VCP: variants seen among roughly 807,000 people sequenced by gnomAD.
The protein encoded by VCP is valosin containing protein, also known as transitional endoplasmic reticulum ATPase.
A neutral mutation model predicts 85.7 loss-of-function variants in VCP; 6 were observed. The ratio of observed to expected loss-of-function variants is 0.07; its 90% confidence interval spans 0.04 to 0.14. The LOEUF (loss-of-function observed/expected upper bound fraction) is 0.14, where lower values mean the gene tolerates loss of function less well. Among genes scored for constraint, VCP ranks in the 10% least tolerant of loss-of-function variants. The pLI, the probability that VCP is intolerant of heterozygous loss-of-function variation, is 1.00. For missense variants in VCP, 353 were observed against 1,043.4 expected (o/e 0.34, Z 9.12); for synonymous variants, 384 against 367.1 (o/e 1.05, Z -0.53).
chr9:35,063,231 C>T (rs1232802805), intron 6 of VCP, 151 bp from the exon 7 acceptor site: 1 of 722,566 alleles, frequency 1.4e-6, no homozygotes, highest in Non-Finnish European at 2.4e-6. Flanking sequence ...AAGACAATTA[C>T]TTTAGGCCAC....
At chr9:35,063,779 T>G (rs1240785126) in intron 6 of VCP, among the ~76,000 whole-genome samples, 1 of 152,254 alleles carries the variant, frequency 6.6e-6, no homozygotes. Context: ...GAAAATTTCC[T>G]TAACTTCCTT....
At position 35,059,276 on chromosome 9, in the gene VCP, A is replaced by T; in HGVS notation, c.2005-57T>A. On this transcript the variant is annotated intron_variant, in intron 14 of 16. Coordinates refer to ENST00000358901, the MANE Select transcript of VCP (RefSeq NM_007126.5). The surrounding 1 kb of genome is among the most constrained non-coding windows in gnomAD (Gnocchi z 4.9). ...TAGCCTCTCCTCTCGAGATACGCAG[A>T]TCTTTGGGCTACCCGAGCACTCCCA... is the stretch of plus-strand genomic sequence containing the variant. The T allele has an allele frequency of 6.2e-7, 1 of 1,609,576 alleles. No individual in the cohort carries two copies. Among genetic ancestry groups the T allele is most frequent in the Non-Finnish European group, 8.5e-7 (1 of 1,177,952 alleles).
At chr9:35,057,833 G>A in intron 15 of VCP, 2 of 457,322 alleles carry the variant, frequency 4.4e-6, no homozygotes, top group Non-Finnish European at 8.1e-6. Flanking sequence ...TCTCAACTGT[G>A]GTAGTAGTTA....
chr9:35,060,468 C>T lies in VCP; in HGVS notation c.1540G>A (p.Val514Ile). The T allele has an allele frequency of 6.2e-7, 1 of 1,614,238 alleles. No homozygotes were observed. The highest frequency in any genetic ancestry group is 8.5e-7 in the Non-Finnish European group (1 of 1,180,048). ...CAGCCAGGAGGTCCATAGAACAGAA[C>T]TCCCTTGGAAGGTGTCATGCCAAAC... ...LKFGMTPSKG[V>I]LFYGPPGCGK... The change falls in exon 13 of 17, where the codon GTT becomes ATT. Residue 514 changes from valine (V) to isoleucine (I), a missense_variant. Coordinates refer to ENST00000358901, the MANE Select transcript of VCP (RefSeq NM_007126.5).
intron 1 of VCP, among the ~76,000 whole-genome samples, chr9:35,068,711 T>C (rs1405850891): frequency 6.6e-6 from 1 of 151,630 alleles, no homozygotes; most frequent in Non-Finnish European, 1.5e-5. Context: ...TACAGAAGAG[T>C]GGTTAAGAGC....
In VCP at chr9:35,072,590, G is replaced by T; in HGVS notation, c.-237C>A. On this transcript the variant is annotated 5_prime_UTR_variant, in exon 1 of 17. Transcript: ENST00000358901. ...CAGTGGCAGCGGCAGCGGCAGCGAC[G>T]ACTCAAACGACGGTCGCAGACGCTT... 1 of 486,088 alleles carries T rather than the reference G, an allele frequency of 2.1e-6. No homozygotes were observed. The highest frequency in any genetic ancestry group is 3.6e-5 in the East Asian group (1 of 27,572). 30.1% of individuals were successfully genotyped at this position (486,088 alleles called of 1,614,324 possible).
intron 5 of VCP, among the ~76,000 whole-genome samples, chr9:35,064,766 G>T (rs1405495876): frequency 1.3e-5 from 2 of 152,192 alleles, no homozygotes; most frequent in Admixed American, 6.5e-5. Context: ...CTAGTTTTTT[G>T]AAATTCCTGG....
chr9:35,066,235 A>AGCCTGGGCATCATAGT (rs1284470129), intron 4 of VCP, among the ~76,000 whole-genome samples: 31 of 150,724 alleles, frequency 2.1e-4, no homozygotes, highest in African/African-American at 7.6e-4. Flanking sequence ...GTTTGAGACC[A>AGCCTGGGCATCATAGT]GCCTGGGCAT....
In VCP at chr9:35,068,414, A is replaced by G. The variant is rs1483974340; in HGVS notation, c.18-52T>C. ...ATACTCCTGCCCCAAGCGCCTCGCC[A>G]GTCTCTAAAACTCATACTTAGGAAA... is the stretch of plus-strand genomic sequence containing the variant. On this transcript the variant is annotated intron_variant, in intron 1 of 16. Transcript: ENST00000358901. 3 of 1,481,424 alleles carry G rather than the reference A, an allele frequency of 2.0e-6. No individual in the cohort carries two copies. The African/African-American group carries it at 4.2e-5, about 21-fold the overall frequency. 91.8% of individuals were successfully genotyped at this position (1,481,424 alleles called of 1,614,324 possible).
chr9:35,066,928 G>A lies in VCP; in HGVS notation c.303-111C>T, dbSNP rs1488029212. On this transcript the variant is annotated intron_variant, in intron 3 of 16. Transcript: ENST00000358901. Reference sequence around the variant, plus strand: ...GATAGTAAGTGAAAAAGAAAAGGCAGGATGGCTTTAGGCGAAGAGAGGAAG... The same window carrying A: ...GATAGTAAGTGAAAAAGAAAAGGCAAGATGGCTTTAGGCGAAGAGAGGAAG... 3.2e-6 allele frequency: 5 copies of A among 1,551,256 alleles called. No individual in the cohort carries two copies. The East Asian group carries it at 6.7e-5, about 21-fold the overall frequency.
At chr9:35,065,218 A>G (rs1204817850) in intron 5 of VCP, 33 bp downstream of exon 5, 1 of 1,613,924 alleles carries the variant, frequency 6.2e-7, no homozygotes. Flanking sequence ...AGTAATCATA[A>G]AATCGGATAC....
intron 1 of VCP, among the ~76,000 whole-genome samples, chr9:35,070,175 T>C (rs1388936973): frequency 6.6e-6 from 1 of 152,170 alleles, no homozygotes; most frequent in African/African-American, 2.4e-5. Context: ...TAACGACAGT[T>C]TCCTCTGCTC....
chr9:35,057,863 T>C, intron 15 of VCP: 2 of 407,334 alleles, frequency 4.9e-6, no homozygotes, highest in South Asian at 4.4e-5. Context: ...CACACACTTG[T>C]CATAAAGCAT....
At chr9:35,058,935 A>T in intron 15 of VCP, 129 bp downstream of exon 15, 1 of 1,262,618 alleles carries the variant, frequency 7.9e-7, no homozygotes, top group Non-Finnish European at 1.1e-6. Context: ...TTTATCTTTG[A>T]TGCCCTATTA....
At chr9:35,060,595 A>C in intron 12 of VCP, 70 bp from the exon 13 acceptor site, 1 of 1,551,288 alleles carries the variant, frequency 6.4e-7, no homozygotes, top group Non-Finnish European at 8.9e-7. Flanking sequence ...AAACAGAAGC[A>C]TCCCCTCCAT....
rs200514532 is a variant in VCP, at chr9:35,058,660, G to A, written c.2160+404C>T. ...CATGTGCCTGTAGTCCCAGCTACTCGGGAGGCTGAGGCAGGAGAATCGCTT... is the reference window on the plus strand; with the variant it reads ...CATGTGCCTGTAGTCCCAGCTACTCAGGAGGCTGAGGCAGGAGAATCGCTT... On this transcript the variant is annotated intron_variant, in intron 15 of 16. Coordinates refer to ENST00000358901, the MANE Select transcript of VCP (RefSeq NM_007126.5). Among the ~76,000 whole-genome samples, 51 of 152,236 alleles carry A rather than the reference G, an allele frequency of 3.4e-4. No individual in the cohort carries two copies. The East Asian group carries it at 6.9e-3, about 21-fold the overall frequency.
intron 4 of VCP, among the ~76,000 whole-genome samples, chr9:35,065,665 C>T (rs1415719225): frequency 6.6e-6 from 1 of 152,164 alleles, no homozygotes; most frequent in African/African-American, 2.4e-5. Flanking sequence ...CCCAAGTTTT[C>T]ACTACAACCA....
intron 15 of VCP, chr9:35,057,807 T>C (rs1218144011): frequency 6.0e-6 from 3 of 502,284 alleles, no homozygotes; most frequent in Non-Finnish European, 1.1e-5. Flanking sequence ...CTTTTTGAGA[T>C]AGTAGAAATT....
At position 35,069,706 on chromosome 9, in the gene VCP, C is replaced by T. The variant is rs1047084814; in HGVS notation, c.18-1344G>A. Among the ~76,000 whole-genome samples, 3 of 152,214 alleles carry T rather than the reference C, an allele frequency of 2.0e-5. No homozygotes were observed. In the East Asian group the frequency reaches 5.8e-4, roughly 29 times the overall value. Reference sequence around the variant, plus strand: ...ACCTCAGGTGATCTGCCCACCTCGGCCTCCCAAAGTACTGGGATTACAGGC... The same window carrying T: ...ACCTCAGGTGATCTGCCCACCTCGGTCTCCCAAAGTACTGGGATTACAGGC... On this transcript the variant is annotated intron_variant, in intron 1 of 16. Transcript: ENST00000358901.
Sources: allele counts gnomAD v4.1 joint callset (sites outside exome capture counted in the v4.1 genomes callset), GRCh38; gene constraint gnomAD v4.1.1; non-coding constraint Gnocchi (gnomAD v3.1); transcripts MANE v1.5; gene names NCBI Gene and HGNC (gene_info 2026-07-23, HGNC 2026-07-21).